The following SMARCAL1 variants were observed in gnomAD, a reference collection of about 807,000 sequenced individuals.
The protein encoded by SMARCAL1 is ATP-driven annealing helicase.
Under a neutral mutation model 94.5 loss-of-function variants are expected in SMARCAL1, and 58 were observed. The observed-to-expected ratio is 0.61, with a 90% CI of 0.50 to 0.76. The LOEUF (loss-of-function observed/expected upper bound fraction) is 0.76. SMARCAL1 is among the 30% of genes least tolerant of loss of function. The pLI is 0.00. For synonymous variants in SMARCAL1, 422 were observed against 455.1 expected (o/e 0.93, Z 0.93); for missense variants, 1,051 against 1,177.9 (o/e 0.89, Z 1.58).
intron 11 of SMARCAL1, 100 bp downstream of exon 11, chr2:216,447,258 G>A (rs1694339181): frequency 1.4e-6 from 2 of 1,395,922 alleles, no homozygotes; most frequent in African/African-American, 1.4e-5. Context: ...GGTCAGAAGA[G>A]CACTGGCCAG....
Position 216,478,247 on chromosome 2 carries a change from T to C in SMARCAL1, c.2573T>C (p.Leu858Pro). 6.2e-7 allele frequency: 1 copy of C among 1,614,208 alleles called. No individual in the cohort carries two copies. Among genetic ancestry groups the C allele is most frequent in the Non-Finnish European group, 8.5e-7 (1 of 1,180,036 alleles). Reference sequence around the variant, plus strand: ...ATTAAAGTTCTGGCAGAAGCCGGGCTTTCTGAGACCAATTTTTCAGAAATG... The same window carrying C: ...ATTAAAGTTCTGGCAGAAGCCGGGCCTTCTGAGACCAATTTTTCAGAAATG... ...EKIKVLAEAG[L>P]SETNFSEMTE... is the part of the protein sequence containing the mutation. Residue 858 changes from leucine (L) to proline (P), a missense_variant, in exon 17 of 18, where the codon CTT becomes CCT. Coordinates refer to ENST00000357276, the MANE Select transcript of SMARCAL1 (RefSeq NM_014140.4).
In SMARCAL1 at chr2:216,460,986, A is replaced by G. The variant is rs145079684; in HGVS notation, c.2071-3611A>G. On this transcript the variant is annotated intron_variant, in intron 12 of 17. Transcript: ENST00000357276. ...AAATGTACTGAAAGAGAAAGTTACT[A>G]AAAAAACAAAACCAGATTAAGGAAT... 5.4e-3 allele frequency among the ~76,000 whole-genome samples: 827 copies of G among 152,220 alleles called. 18 individuals are homozygous for G. Among genetic ancestry groups the G allele is most frequent in the Admixed American group, 0.039 (596 of 15,270 alleles).
intron 9 of SMARCAL1, 23 bp downstream of exon 9, chr2:216,435,519 T>C (rs761645756): frequency 6.2e-6 from 10 of 1,604,678 alleles, no homozygotes; most frequent in South Asian, 2.2e-5. Flanking sequence ...GCAAAGTCTT[T>C]AAGTACTTTA....
At chr2:216,428,853 A>T in intron 7 of SMARCAL1, 71 bp downstream of exon 7, 1 of 1,369,980 alleles carries the variant, frequency 7.3e-7, no homozygotes, top group South Asian at 1.2e-5. Flanking sequence ...CTGCATTCAG[A>T]TGCTTCCTGT....
At chr2:216,435,071 T>G (rs1408294269) in intron 8 of SMARCAL1, among the ~76,000 whole-genome samples, 1 of 152,032 alleles carries the variant, frequency 6.6e-6, no homozygotes, top group African/African-American at 2.4e-5. Flanking sequence ...TTGGTCAGCC[T>G]GGTCTCAAAC....
intron 12 of SMARCAL1, among the ~76,000 whole-genome samples, chr2:216,452,548 GT>G (rs990162718): frequency 9.3e-5 from 14 of 151,044 alleles, no homozygotes; most frequent in African/African-American, 3.5e-4. Context: ...GTCTGTTAGT[GT>G]TTCGTGAGAT....
intron 4 of SMARCAL1, among the ~76,000 whole-genome samples, chr2:216,416,702 G>T (rs148913191): frequency 6.6e-6 from 1 of 152,170 alleles, no homozygotes; most frequent in Non-Finnish European, 1.5e-5. Flanking sequence ...CAGACTACAC[G>T]TTCCCACCAG....
At chr2:216,419,358 T>A (rs1413525244) in intron 4 of SMARCAL1, among the ~76,000 whole-genome samples, 4 of 152,240 alleles carry the variant, frequency 2.6e-5, no homozygotes, top group Non-Finnish European at 5.9e-5. Flanking sequence ...TCTTCTTTTG[T>A]GGTCTTAGTA....
intron 14 of SMARCAL1, among the ~76,000 whole-genome samples, chr2:216,471,843 A>G (rs777529730): frequency 2.6e-5 from 4 of 152,240 alleles, no homozygotes; most frequent in Non-Finnish European, 5.9e-5. Flanking sequence ...TAAAAATCTA[A>G]GTTTTTATCA....
chr2:216,473,044 G>T (rs1192755130), intron 14 of SMARCAL1, among the ~76,000 whole-genome samples: 2 of 152,134 alleles, frequency 1.3e-5, no homozygotes, highest in African/African-American at 2.4e-5. Context: ...TAATTGACAT[G>T]CAGTAAACTG....
At chr2:216,471,208 G>A (rs1694958516) in intron 14 of SMARCAL1, among the ~76,000 whole-genome samples, 1 of 152,122 alleles carries the variant, frequency 6.6e-6, no homozygotes, top group South Asian at 2.1e-4. Context: ...AAACCATAAA[G>A]TATTAGAAGA....
chr2:216,456,723 T>C (rs895227699), intron 12 of SMARCAL1, among the ~76,000 whole-genome samples: 3 of 152,158 alleles, frequency 2.0e-5, no homozygotes, highest in African/African-American at 7.2e-5. Flanking sequence ...ACAACCAGTA[T>C]CAGCCACTGC....
chr2:216,477,690 A>C (rs1356534516), intron 16 of SMARCAL1, among the ~76,000 whole-genome samples: 4 of 152,144 alleles, frequency 2.6e-5, no homozygotes, highest in Non-Finnish European at 5.9e-5. Context: ...GAGCTGGAGT[A>C]AGATTTTCAA....
chr2:216,451,181 C>G (rs921558344), intron 12 of SMARCAL1, 117 bp downstream of exon 12: 5 of 857,150 alleles, frequency 5.8e-6, no homozygotes, highest in Admixed American at 2.0e-5. Flanking sequence ...AACCTTTTCC[C>G]TCTTCCCTAG....
rs1194705971 is a variant in SMARCAL1, at chr2:216,475,620, CT to C, written c.2427+176del. Among the ~76,000 whole-genome samples the C allele has an allele frequency of 6.6e-6, 1 of 152,052 alleles. No homozygotes were observed. The highest frequency in any genetic ancestry group is 1.5e-5 in the Non-Finnish European group (1 of 68,000). ...CACTTCTATGTTGATTGACTAGTCT[CT>C]TTTTTTCTTTTTTTGAGACAGAGTC... On this transcript the variant is annotated intron_variant, in intron 15 of 17. Coordinates refer to ENST00000357276, the MANE Select transcript of SMARCAL1 (RefSeq NM_014140.4). This position sits in a 1 kb window ranked among gnomAD's most constrained non-coding sequence, Gnocchi z 4.4.
In SMARCAL1 at chr2:216,468,027, C is replaced by A. The variant is rs2271336; in HGVS notation, c.2225C>A (p.Thr742Lys). Residue 742 changes from threonine to lysine, a missense_variant, in exon 14 of 18, where the codon ACG becomes AAG. This residue lies in a region of SMARCAL1 where 642 missense variants were observed against 754.7 expected (regional missense o/e 0.85). Transcript: ENST00000357276. ...AHHKVVLDAI[T>K]QELERKHVQH... ...CATAAGGTGGTCCTGGACGCAATTA[C>A]GCAAGAGCTTGAGAGAAAGGTGAGC... 2 of 1,612,092 alleles carry A rather than the reference C, an allele frequency of 1.2e-6. No individual in the cohort carries two copies. Among genetic ancestry groups the A allele is most frequent in the Non-Finnish European group, 1.7e-6 (2 of 1,178,558 alleles).
rs758227631 is a variant in SMARCAL1, at chr2:216,414,691, AT to A, written c.-11del. On this transcript the variant is annotated 5_prime_UTR_variant, in exon 3 of 18. Coordinates refer to ENST00000357276, the MANE Select transcript of SMARCAL1 (RefSeq NM_014140.4). The stretch of plus-strand genomic sequence containing the variant: ...TAAAGGTTGACATTCCTGCATAAGC[AT>A]TTCTCTGTGAAAATGTCCTTGCCTC... 2 of 1,611,998 alleles carry A rather than the reference AT, an allele frequency of 1.2e-6. No homozygotes were observed. The highest frequency in any genetic ancestry group is 2.2e-5 in the South Asian group (2 of 91,002).
intron 12 of SMARCAL1, among the ~76,000 whole-genome samples, chr2:216,457,749 T>C (rs1212471194): frequency 1.3e-5 from 2 of 152,064 alleles, no homozygotes; most frequent in Admixed American, 6.5e-5. Context: ...AGATCTAAAA[T>C]TGACACCCTA....
At chr2:216,450,701 T>C (rs1018296537) in intron 11 of SMARCAL1, 145 bp from the exon 12 acceptor site, 2 of 634,604 alleles carry the variant, frequency 3.2e-6, no homozygotes, top group African/African-American at 3.7e-5. Flanking sequence ...TTATTGGGGG[T>C]TTATTTGTCC....
Sources: allele counts gnomAD v4.1 joint callset (sites outside exome capture counted in the v4.1 genomes callset), GRCh38; gene constraint gnomAD v4.1.1; regional missense constraint gnomAD v4.1.1; non-coding constraint Gnocchi (gnomAD v3.1); transcripts MANE v1.5; gene names NCBI Gene and HGNC (gene_info 2026-07-23, HGNC 2026-07-21).